The following CACNB2 variants were observed in gnomAD, a reference collection of about 807,000 sequenced individuals.
The protein encoded by CACNB2 is calcium voltage-gated channel auxiliary subunit beta 2, also known as voltage-dependent L-type calcium channel subunit beta-2.
CACNB2 carries 42 observed loss-of-function variants against 73.3 expected under a neutral mutation model. That is an observed-to-expected ratio of 0.57 (90% CI 0.45 to 0.74). The LOEUF is 0.74. Ranked by LOEUF, CACNB2 falls within the 30% of genes least tolerant of loss-of-function variation. CACNB2 has a pLI of 0.00. For missense variants in CACNB2, 940 were observed against 853.0 expected (o/e 1.10, Z -1.27); for synonymous variants, 348 against 310.3 (o/e 1.12, Z -1.28).
chr10:18,233,779 G>A (rs1200279073), intron 2 of CACNB2, among the ~76,000 whole-genome samples: 1 of 152,102 alleles, frequency 6.6e-6, no homozygotes, highest in East Asian at 1.9e-4. Flanking sequence ...GTAGTGTGGG[G>A]CACAAAAGAA....
Position 18,214,392 on chromosome 10 carries a change from G to A in CACNB2, c.213+63417G>A, listed in dbSNP as rs866371605. Among the ~76,000 whole-genome samples, 20 of 74,674 alleles carry A rather than the reference G, an allele frequency of 2.7e-4. 5 individuals carry two copies. The highest frequency in any genetic ancestry group is 6.2e-4 in the African/African-American group (20 of 32,108). 49.0% of individuals were successfully genotyped at this position (74,674 alleles called of 152,430 possible). ...TGTAATCGCAGCACTTTGAGAGGCCGAGGCAGGAGTATCACTTGAGGTCAG... is the reference window on the plus strand; with the variant it reads ...TGTAATCGCAGCACTTTGAGAGGCCAAGGCAGGAGTATCACTTGAGGTCAG... On this transcript the variant is annotated intron_variant, in intron 2 of 13. Coordinates refer to ENST00000324631, the MANE Select transcript of CACNB2 (RefSeq NM_201596.3).
intron 2 of CACNB2, among the ~76,000 whole-genome samples, chr10:18,209,268 T>C (rs2035223026): frequency 6.6e-6 from 1 of 152,230 alleles, no homozygotes; most frequent in Non-Finnish European, 1.5e-5. Flanking sequence ...ATCACCTGCA[T>C]GGAGCACTGA....
At chr10:18,331,682 T>C (rs895284885) in intron 2 of CACNB2, among the ~76,000 whole-genome samples, 1 of 152,016 alleles carries the variant, frequency 6.6e-6, no homozygotes, top group East Asian at 1.9e-4. Context: ...GAGTTGAACA[T>C]CCTCTCATAA....
chr10:18,468,636 G>A (rs956493875), intron 3 of CACNB2, among the ~76,000 whole-genome samples: 1 of 152,082 alleles, frequency 6.6e-6, no homozygotes, highest in Non-Finnish European at 1.5e-5. Context: ...TTTTACTCCT[G>A]TTACCCAGGC....
chr10:18,430,827 T>C (rs1465101614), intron 3 of CACNB2, among the ~76,000 whole-genome samples: 1 of 152,230 alleles, frequency 6.6e-6, no homozygotes, highest in Non-Finnish European at 1.5e-5. Context: ...ATTACTTGAT[T>C]ACTATTTATT....
chr10:18,346,582 G>A (rs2041465430), intron 2 of CACNB2, among the ~76,000 whole-genome samples: 1 of 151,624 alleles, frequency 6.6e-6, no homozygotes, highest in Non-Finnish European at 1.5e-5. Context: ...GTTAATGTTA[G>A]TGGCTTTTTT....
chr10:18,371,862 T>C (rs976809325), intron 2 of CACNB2, among the ~76,000 whole-genome samples: 27 of 152,150 alleles, frequency 1.8e-4, no homozygotes, highest in African/African-American at 5.3e-4. Context: ...TCTCCAGCAC[T>C]TGTTGTTTCC....
chr10:18,506,824 G>A (rs565728030), intron 6 of CACNB2, among the ~76,000 whole-genome samples: 8 of 152,202 alleles, frequency 5.3e-5, no homozygotes, highest in Non-Finnish European at 1.0e-4. Flanking sequence ...TTTTGAGACA[G>A]AGTCTCACTC....
intron 2 of CACNB2, among the ~76,000 whole-genome samples, chr10:18,216,330 C>T (rs1477177581): frequency 2.0e-5 from 3 of 150,762 alleles, no homozygotes; most frequent in African/African-American, 7.4e-5. Context: ...AAAAAATAAA[C>T]TAAGTCTTGA....
chr10:18,346,161 G>A (rs4748451), intron 2 of CACNB2, among the ~76,000 whole-genome samples: 47,115 of 151,976 alleles, frequency 0.31, 7,633 homozygotes, highest in African/African-American at 0.39. Flanking sequence ...TTTGTTTGAG[G>A]TGGAGTCTCA....
chr10:18,461,941 C>A (rs1381680894), intron 3 of CACNB2, among the ~76,000 whole-genome samples: 1 of 151,970 alleles, frequency 6.6e-6, no homozygotes, highest in Non-Finnish European at 1.5e-5. Flanking sequence ...TCCTGGAGCT[C>A]TGGAGAGATG....
intron 7 of CACNB2, among the ~76,000 whole-genome samples, chr10:18,517,669 G>GA (rs1451189742): frequency 6.6e-6 from 1 of 152,110 alleles, no homozygotes. Context: ...CCAAGGTATA[G>GA]AAACCAAAAA....
intron 3 of CACNB2, among the ~76,000 whole-genome samples, chr10:18,464,571 C>G (rs2047773268): frequency 6.6e-6 from 1 of 152,092 alleles, no homozygotes; most frequent in African/African-American, 2.4e-5. Flanking sequence ...CTCTACCACC[C>G]AACATGTTCT....
At chr10:18,515,007 A>G (rs1156686653) in intron 7 of CACNB2, 6 of 1,613,882 alleles carry the variant, frequency 3.7e-6, no homozygotes, top group Middle Eastern at 1.7e-4. Flanking sequence ...GAACAAGACC[A>G]GTGGAAAACT....
intron 2 of CACNB2, chr10:18,257,421 T>C (rs1177173472): frequency 6.6e-6 from 1 of 152,244 alleles, no homozygotes; most frequent in African/African-American, 2.4e-5. Context: ...GATATAGAGA[T>C]AAGTAAAGAC....
chr10:18,443,240 G>A (rs780444671), intron 3 of CACNB2, among the ~76,000 whole-genome samples: 1 of 151,684 alleles, frequency 6.6e-6, no homozygotes, highest in Non-Finnish European at 1.5e-5. Context: ...TGAATCAGTG[G>A]GTCTGTGCAA....
chr10:18,237,908 G>T (rs1462571946), intron 2 of CACNB2, among the ~76,000 whole-genome samples: 1 of 152,204 alleles, frequency 6.6e-6, no homozygotes, highest in African/African-American at 2.4e-5. Context: ...ATGCTAACAA[G>T]GCTGGACTTT....
chr10:18,269,907 G>A (rs1277742), intron 2 of CACNB2, among the ~76,000 whole-genome samples: 118,274 of 152,122 alleles, frequency 0.78, 46,141 homozygotes, highest in Middle Eastern at 0.83. Flanking sequence ...AATCATGTTC[G>A]ATCATTGCTA....
At chr10:18,448,279 G>T (rs565112518) in intron 3 of CACNB2, among the ~76,000 whole-genome samples, 1 of 152,100 alleles carries the variant, frequency 6.6e-6, no homozygotes, top group African/African-American at 2.4e-5. Context: ...AGACCAGCCT[G>T]GCCAACATGG....
Sources: gnomAD v4.1 joint callset for allele counts (sites outside exome capture counted in the v4.1 genomes callset) on GRCh38, gnomAD v4.1.1 for gene constraint, MANE v1.5 for transcripts, NCBI Gene and HGNC (gene_info 2026-07-23, HGNC 2026-07-21) for gene names.